The following TMC7 variants were observed in gnomAD, a reference collection of about 807,000 sequenced individuals.
TMC7 encodes the protein transmembrane channel like 7.
A neutral mutation model predicts 82.9 loss-of-function variants in TMC7; 54 were observed. The ratio of observed to expected loss-of-function variants is 0.65; its 90% CI spans 0.52 to 0.82. TMC7 has a LOEUF of 0.82. TMC7 is among the 40% of genes least tolerant of loss of function. TMC7 has a pLI of 0.00. For missense variants in TMC7, 820 were observed against 901.2 expected, an observed-to-expected ratio of 0.91 and a Z score of 1.15; for synonymous variants, 350 against 337.9, an observed-to-expected ratio of 1.04 and a Z score of -0.39.
chr16:18,999,288 C>A (rs1203156983), intron 1 of TMC7, among the ~76,000 whole-genome samples: 1 of 152,250 alleles, frequency 6.6e-6, no homozygotes, highest in Non-Finnish European at 1.5e-5. Context: ...GCATGAGCCA[C>A]TGCATCCAGC....
At chr16:19,059,034 C>A (rs111549281) in intron 14 of TMC7, among the ~76,000 whole-genome samples, 1 of 152,130 alleles carries the variant, frequency 6.6e-6, no homozygotes, top group Non-Finnish European at 1.5e-5. Flanking sequence ...TCCACCACCA[C>A]GCCCAGCTAA....
chr16:19,037,946 T>A lies in TMC7; in HGVS notation c.1078T>A (p.Ser360Thr), dbSNP rs913996783. The change falls in exon 8 of 16, where the codon TCT becomes ACT. Residue 360 changes from serine (S) to threonine (T), a missense_variant. Ser to Thr is a moderately conservative substitution (Grantham distance 58). Coordinates refer to ENST00000304381, the MANE Select transcript of TMC7 (RefSeq NM_024847.4). ...RTSEETIRIYSLRLFLNCIVL... is the reference protein window; with the variant it reads ...RTSEETIRIYTLRLFLNCIVL... ...CTCAGAAGAAACAATACGCATTTACTCTTTGAGACTGTTTTTGAACTGTAT... is the reference window on the plus strand; with the variant it reads ...CTCAGAAGAAACAATACGCATTTACACTTTGAGACTGTTTTTGAACTGTAT... 6.2e-7 allele frequency: 1 copy of A among 1,614,134 alleles called. No homozygotes were observed. Among genetic ancestry groups the A allele is most frequent in the Non-Finnish European group, 8.5e-7 (1 of 1,180,024 alleles).
chr16:19,045,383 A>T lies in TMC7; in HGVS notation c.1498A>T (p.Ile500Phe). 6.2e-7 allele frequency: 1 copy of T among 1,613,934 alleles called. No homozygotes were observed. Among genetic ancestry groups the T allele is most frequent in the South Asian group, 1.1e-5 (1 of 91,068 alleles). Residue 500 changes from isoleucine (I) to phenylalanine (F), a missense_variant, in exon 11 of 16, where the codon ATC becomes TTC. Transcript: ENST00000304381. ...QVGQEMYKLMIFDFIIILAVT... is the reference protein window; with the variant it reads ...QVGQEMYKLMFFDFIIILAVT... ...TGGGCAGGAAATGTACAAGCTGATGATCTTCGACTTCATCATCATCTTGGC... is the reference window on the plus strand; with the variant it reads ...TGGGCAGGAAATGTACAAGCTGATGTTCTTCGACTTCATCATCATCTTGGC...
chr16:19,010,941 G>C (rs1407892517), intron 2 of TMC7, among the ~76,000 whole-genome samples: 2 of 152,112 alleles, frequency 1.3e-5, no homozygotes, highest in Admixed American at 6.6e-5. Flanking sequence ...CTTAAAACCA[G>C]CTCAGCTTCC....
Position 19,051,678 on chromosome 16 carries a change from C to A in TMC7, c.1741-8C>A. On this transcript the variant is annotated splice_polypyrimidine_tract_variant and splice_region_variant and intron_variant, in intron 12 of 15. Transcript: ENST00000304381. ...GATCTTAATTTTTCTTTCTTTTTCT[C>A]CTTGTAGTGGAGTCTGCTTTACACC... The A allele has an allele frequency of 6.2e-7, 1 of 1,612,588 alleles. No homozygotes were observed. Among genetic ancestry groups the A allele is most frequent in the East Asian group, 2.2e-5 (1 of 44,848 alleles).
chr16:19,059,391 G>A (rs1279596847), intron 14 of TMC7, 25 bp from the exon 15 acceptor site: 3 of 1,609,074 alleles, frequency 1.9e-6, no homozygotes, highest in Non-Finnish European at 2.6e-6. Flanking sequence ...AGACTCCCTT[G>A]TGACCTGTCT....
intron 1 of TMC7, chr16:18,984,374 G>A: frequency 7.8e-7 from 1 of 1,276,608 alleles, no homozygotes; most frequent in Non-Finnish European, 9.9e-7. Flanking sequence ...ACTGCAGTCT[G>A]GACCGTGGTG....
intron 5 of TMC7, among the ~76,000 whole-genome samples, chr16:19,026,083 G>GA (rs1169133443): frequency 6.6e-6 from 1 of 151,036 alleles, no homozygotes; most frequent in Non-Finnish European, 1.5e-5. Context: ...ACCTGATTTT[G>GA]AAAAAACCCT....
chr16:19,021,774 G>A lies in TMC7; in HGVS notation c.606G>A (p.Val202=). 6.2e-7 allele frequency: 1 copy of A among 1,614,150 alleles called. No individual in the cohort carries two copies. Among genetic ancestry groups the A allele is most frequent in the Non-Finnish European group, 8.5e-7 (1 of 1,180,024 alleles). Residue 202 remains valine, a synonymous_variant, in exon 4 of 16, where the codon GTG becomes GTA. Transcript: ENST00000304381. The part of the protein sequence containing the change: ...TKYKITNSSF[V]LIPFKDMDKQ... ...ACAAGATCACCAACAGCAGCTTCGT[G>A]CTCATTCCTTTCAAAGACATGGGTG...
chr16:19,005,532 G>A (rs1033149888), intron 1 of TMC7, among the ~76,000 whole-genome samples: 2 of 152,178 alleles, frequency 1.3e-5, no homozygotes, highest in Non-Finnish European at 2.9e-5. Context: ...TTCCCGAGAT[G>A]AGAAAAATGT....
chr16:19,039,102 T>C (rs887966978), intron 8 of TMC7, among the ~76,000 whole-genome samples: 1 of 149,324 alleles, frequency 6.7e-6, no homozygotes, highest in African/African-American at 2.5e-5. Flanking sequence ...CTTTTTTTTT[T>C]TTTTTTGAGA....
chr16:18,986,673 A>G (rs2038855695), intron 1 of TMC7, among the ~76,000 whole-genome samples: 1 of 152,162 alleles, frequency 6.6e-6, no homozygotes, highest in South Asian at 2.1e-4. Flanking sequence ...CCAGGCCCTC[A>G]TCACCTTGAT....
At chr16:19,040,514 G>A in intron 9 of TMC7, 68 bp downstream of exon 9, 1 of 1,409,480 alleles carries the variant, frequency 7.1e-7, no homozygotes, top group South Asian at 1.3e-5. Context: ...CTTGCCCATG[G>A]CAGACATCGC....
At chr16:19,034,975 G>A (rs541625480) in intron 6 of TMC7, among the ~76,000 whole-genome samples, 5 of 152,238 alleles carry the variant, frequency 3.3e-5, no homozygotes, top group South Asian at 2.1e-4. Context: ...ATATGCACTC[G>A]TATATTCATC....
At chr16:19,010,133 T>TCTCCCCTCGC (rs2039315081) in intron 2 of TMC7, among the ~76,000 whole-genome samples, 1 of 54,416 alleles carries the variant, frequency 1.8e-5, no homozygotes, top group South Asian at 1.1e-3. Context: ...CCCTCTCTCC[T>TCTCCCCTCGC]CTCCCCTCCC....
chr16:19,009,961 GTTTCTTTCTTTCTTTCT>G (rs2039309289), intron 2 of TMC7, among the ~76,000 whole-genome samples: 1 of 145,542 alleles, frequency 6.9e-6, no homozygotes, highest in South Asian at 2.2e-4. Flanking sequence ...AAAAAAAGAA[GTTTCTTTCTTTCTTTCT>G]TTTCTTTCTT....
At position 19,044,880 on chromosome 16, in the gene TMC7, G is replaced by A. The variant is rs773140513; in HGVS notation, c.1338-4G>A. On this transcript the variant is annotated splice_polypyrimidine_tract_variant and splice_region_variant and intron_variant, in intron 9 of 15. Transcript: ENST00000304381. Reference sequence around the variant, plus strand: ...TCCCATCCTCTCTCCTTCTCTCCCCGAAGGTGTGTCTTTATGCGGCTGGCC... The same window carrying A: ...TCCCATCCTCTCTCCTTCTCTCCCCAAAGGTGTGTCTTTATGCGGCTGGCC... 8 of 1,596,406 alleles carry A rather than the reference G, an allele frequency of 5.0e-6. No homozygotes were observed. The highest frequency in any genetic ancestry group is 4.1e-5 in the African/African-American group (3 of 73,954).
At chr16:19,038,789 A>T (rs1960876024) in intron 8 of TMC7, among the ~76,000 whole-genome samples, 1 of 152,154 alleles carries the variant, frequency 6.6e-6, no homozygotes, top group Non-Finnish European at 1.5e-5. Flanking sequence ...AAGTGCTGGG[A>T]TTGCAGGTGT....
chr16:18,995,409 A>C (rs1425317571), intron 1 of TMC7, among the ~76,000 whole-genome samples: 1 of 152,202 alleles, frequency 6.6e-6, no homozygotes, highest in African/African-American at 2.4e-5. Context: ...CTAAGCTGAG[A>C]AGATCTGGGA....
Sources: gnomAD v4.1 joint callset for allele counts (sites outside exome capture counted in the v4.1 genomes callset) on GRCh38, gnomAD v4.1.1 for gene constraint, MANE v1.5 for transcripts, NCBI Gene and HGNC (gene_info 2026-07-23, HGNC 2026-07-21) for gene names.